Variants in HSPB8 observed in about 807,000 individuals in gnomAD.
HSPB8 encodes the protein heat shock protein family B (small) member 8, also known as heat shock protein beta-8.
HSPB8 carries 9 observed loss-of-function variants against 16.5 expected under a neutral mutation model. The observed-to-expected ratio is 0.55, with a 90% CI of 0.33 to 0.95. HSPB8 has a LOEUF of 0.95. Among genes scored for constraint, HSPB8 ranks in the 40% least tolerant of loss-of-function variants. The probability of loss-of-function intolerance (pLI) is 0.03; values close to 1 mark genes in which losing one functional copy is unlikely to be tolerated. For synonymous variants in HSPB8, 99 were observed against 94.8 expected, an observed-to-expected ratio of 1.04 and a Z score of -0.26; for missense variants, 238 against 251.2, an observed-to-expected ratio of 0.95 and a Z score of 0.35.
At chr12:119,185,653 T>TA (rs1555222991) in intron 1 of HSPB8, among the ~76,000 whole-genome samples, 1 of 151,672 alleles carries the variant, frequency 6.6e-6, no homozygotes, top group African/African-American at 2.4e-5. Flanking sequence ...TTATTATTAT[T>TA]TTTAGAAACA....
At chr12:119,193,530 A>G (rs1283481073) in intron 2 of HSPB8, among the ~76,000 whole-genome samples, 169 bp from the exon 3 acceptor site, 1 of 152,224 alleles carries the variant, frequency 6.6e-6, no homozygotes, top group African/African-American at 2.4e-5. Context: ...CAACTGAATA[A>G]TCTTCCCAAG....
In HSPB8 at chr12:119,189,725, G is replaced by A. The variant is rs537960006; in HGVS notation, c.431+2637G>A. Among the ~76,000 whole-genome samples the A allele has an allele frequency of 5.9e-5, 9 of 152,304 alleles. 1 individual carries two copies. The highest frequency in any genetic ancestry group is 4.1e-4 in the South Asian group (2 of 4,826). ...TGCTCACCTCCTGATGTGAAGCCTG[G>A]TTCCTAACAGGCCACAGATGGGTGC... On this transcript the variant is annotated intron_variant, in intron 2 of 2. Transcript: ENST00000281938.
intron 1 of HSPB8, among the ~76,000 whole-genome samples, chr12:119,181,532 T>A (rs1592928363): frequency 6.6e-6 from 1 of 152,196 alleles, no homozygotes; most frequent in East Asian, 1.9e-4. Flanking sequence ...GTTCCCAGCT[T>A]GACTTTTCCC....
intron 2 of HSPB8, 29 bp downstream of exon 2, chr12:119,187,117 G>C: frequency 6.3e-7 from 1 of 1,593,890 alleles, no homozygotes; most frequent in Non-Finnish European, 8.6e-7. Flanking sequence ...TGGAGCTCAG[G>C]GTGGGAGTGG....
At chr12:119,187,381 G>A (rs1433389101) in intron 2 of HSPB8, among the ~76,000 whole-genome samples, 3 of 152,068 alleles carry the variant, frequency 2.0e-5, no homozygotes, top group Non-Finnish European at 4.4e-5. Flanking sequence ...TTGAGACCGA[G>A]TCTCACTCTG....
intron 1 of HSPB8, among the ~76,000 whole-genome samples, chr12:119,181,607 A>G (rs1278519929): frequency 1.3e-5 from 2 of 152,178 alleles, no homozygotes; most frequent in African/African-American, 4.8e-5. Context: ...CCTGGAACAC[A>G]AGGAATTAGT....
chr12:119,189,186 G>T (rs528321264), intron 2 of HSPB8, among the ~76,000 whole-genome samples: 2 of 152,268 alleles, frequency 1.3e-5, no homozygotes, highest in Admixed American at 1.3e-4. Flanking sequence ...AGGAAGGCAG[G>T]GGGTGGGGGG....
At chr12:119,191,647 T>A (rs1008214645) in intron 2 of HSPB8, among the ~76,000 whole-genome samples, 1 of 151,396 alleles carries the variant, frequency 6.6e-6, no homozygotes, top group East Asian at 1.9e-4. Flanking sequence ...CTGCCTATGA[T>A]CAGGAATGGG....
intron 1 of HSPB8, among the ~76,000 whole-genome samples, chr12:119,185,934 C>G (rs796488937): frequency 1.1e-4 from 16 of 152,284 alleles, no homozygotes; most frequent in African/African-American, 3.6e-4. Context: ...TTCAAGGCCC[C>G]TCAGAAGCAC....
chr12:119,179,769 G>C, intron 1 of HSPB8, 90 bp downstream of exon 1: 2 of 1,488,892 alleles, frequency 1.3e-6, no homozygotes, highest in Non-Finnish European at 1.8e-6. Context: ...CCTGGGAGCT[G>C]ACGTTGGGAC....
At chr12:119,180,069 G>C (rs916101170) in intron 1 of HSPB8, among the ~76,000 whole-genome samples, 6 of 152,192 alleles carry the variant, frequency 3.9e-5, no homozygotes. Context: ...AGAAGTGCAC[G>C]TTAAGGCTGA....
intron 1 of HSPB8, among the ~76,000 whole-genome samples, chr12:119,185,422 C>T (rs1468265403): frequency 6.6e-6 from 1 of 152,156 alleles, no homozygotes; most frequent in Non-Finnish European, 1.5e-5. Context: ...CAACCTCTGC[C>T]TCCCGGGTTC....
intron 2 of HSPB8, among the ~76,000 whole-genome samples, chr12:119,188,621 C>T (rs1195737580): frequency 6.6e-6 from 1 of 152,064 alleles, no homozygotes; most frequent in Non-Finnish European, 1.5e-5. Flanking sequence ...GAGACATGAC[C>T]CTCCTTGCAA....
chr12:119,193,563 G>A, intron 2 of HSPB8, 136 bp from the exon 3 acceptor site: 1 of 875,744 alleles, frequency 1.1e-6, no homozygotes, highest in Non-Finnish European at 1.8e-6. Flanking sequence ...GAAAGGGGTA[G>A]AGCCAGGATT....
chr12:119,186,777 A>G (rs923604223), intron 1 of HSPB8: 16 of 517,220 alleles, frequency 3.1e-5, no homozygotes, highest in African/African-American at 2.7e-4. Context: ...TTAATTAACT[A>G]CAAACCACGG....
At chr12:119,186,185 C>T (rs1049662699) in intron 1 of HSPB8, among the ~76,000 whole-genome samples, 1 of 152,184 alleles carries the variant, frequency 6.6e-6, no homozygotes, top group Non-Finnish European at 1.5e-5. Context: ...CATCTTTTTC[C>T]TCCCTGAGGG....
At chr12:119,193,026 C>G (rs1954722129) in intron 2 of HSPB8, among the ~76,000 whole-genome samples, 1 of 152,170 alleles carries the variant, frequency 6.6e-6, no homozygotes, top group African/African-American at 2.4e-5. Flanking sequence ...ATGGGAGCTA[C>G]AATTCAATAT....
intron 2 of HSPB8, 125 bp from the exon 3 acceptor site, chr12:119,193,574 C>T (rs988728307): frequency 5.8e-6 from 6 of 1,036,084 alleles, no homozygotes; most frequent in Admixed American, 2.0e-5. Context: ...AGCCAGGATT[C>T]AAACCCAACA....
At chr12:119,180,274 ACT>A (rs1446901430) in intron 1 of HSPB8, among the ~76,000 whole-genome samples, 1 of 152,214 alleles carries the variant, frequency 6.6e-6, no homozygotes, top group Non-Finnish European at 1.5e-5. Context: ...GGAGGTGGGT[ACT>A]GTTTATCTTC....
Sources: gnomAD v4.1 joint callset for allele counts (sites outside exome capture counted in the v4.1 genomes callset) on GRCh38, gnomAD v4.1.1 for gene constraint, MANE v1.5 for transcripts, NCBI Gene and HGNC (gene_info 2026-07-23, HGNC 2026-07-21) for gene names.